N4BP1: variants seen among roughly 807,000 people sequenced by gnomAD.
The protein encoded by N4BP1 is NEDD4 binding protein 1, also known as NEDD4-binding protein 1.
A neutral mutation model predicts 70.9 loss-of-function variants in N4BP1; 21 were observed. The ratio of observed to expected loss-of-function variants is 0.30; its 90% CI spans 0.21 to 0.43. N4BP1 has a LOEUF of 0.43. Among genes scored for constraint, N4BP1 ranks in the 20% least tolerant of loss-of-function variants. The pLI, the probability that N4BP1 is intolerant of heterozygous loss-of-function variation, is 1.00. For missense variants in N4BP1, 936 were observed against 1,069.4 expected (o/e 0.88, Z 1.74); for synonymous variants, 387 against 394.6 (o/e 0.98, Z 0.23).
chr16:48,587,968 AT>A (rs572954274), intron 1 of N4BP1, among the ~76,000 whole-genome samples: 116 of 146,854 alleles, frequency 7.9e-4, no homozygotes, highest in Middle Eastern at 3.5e-3. Context: ...AGTTTTCTTG[AT>A]TTTTTTTTTT....
At chr16:48,603,423 T>G (rs1417910066) in intron 1 of N4BP1, among the ~76,000 whole-genome samples, 1 of 152,072 alleles carries the variant, frequency 6.6e-6, no homozygotes, top group East Asian at 1.9e-4. Context: ...GATGGGCAGC[T>G]GTGGTCAGTG....
At chr16:48,602,803 AT>A (rs1555499814) in intron 1 of N4BP1, among the ~76,000 whole-genome samples, 1 of 77,382 alleles carries the variant, frequency 1.3e-5, no homozygotes, top group African/African-American at 1.3e-4. Context: ...ATAAAAATAA[AT>A]AAATAAATAA....
chr16:48,609,632 C>T (rs1387097645), intron 1 of N4BP1, 143 bp downstream of exon 1: 1 of 671,684 alleles, frequency 1.5e-6, no homozygotes, highest in Non-Finnish European at 2.1e-6. Flanking sequence ...GCTCGCGAGC[C>T]GAAAAGGCAC....
chr16:48,607,252 AC>A (rs1964596944), intron 1 of N4BP1, among the ~76,000 whole-genome samples: 1 of 152,204 alleles, frequency 6.6e-6, no homozygotes, highest in African/African-American at 2.4e-5. Context: ...GTCTGGCAGG[AC>A]CAGCAGGGCT....
intron 1 of N4BP1, among the ~76,000 whole-genome samples, chr16:48,588,555 A>G (rs1240789026): frequency 1.3e-5 from 2 of 152,130 alleles, no homozygotes; most frequent in Non-Finnish European, 2.9e-5. Flanking sequence ...TCGACCTCCC[A>G]ATGTGTTGGG....
intron 1 of N4BP1, among the ~76,000 whole-genome samples, chr16:48,605,041 T>G (rs562257013): frequency 1.3e-5 from 2 of 152,152 alleles, no homozygotes; most frequent in East Asian, 3.9e-4. Context: ...TTCTTTTTTT[T>G]TTTTTCTCAA....
intron 1 of N4BP1, among the ~76,000 whole-genome samples, chr16:48,566,991 C>T (rs1333384562): frequency 6.6e-6 from 1 of 152,174 alleles, no homozygotes; most frequent in African/African-American, 2.4e-5. Flanking sequence ...TTTCTTTGCT[C>T]TGAAGGCTAC....
chr16:48,587,061 G>A (rs1964256337), intron 1 of N4BP1: 1 of 152,168 alleles, frequency 6.6e-6, no homozygotes, highest in African/African-American at 2.4e-5. Context: ...AACTGACCAT[G>A]GTTATCCAGT....
intron 1 of N4BP1, among the ~76,000 whole-genome samples, chr16:48,585,183 T>A (rs572086623): frequency 3.7e-4 from 57 of 152,152 alleles, no homozygotes; most frequent in African/African-American, 1.3e-3. Flanking sequence ...ATCCACCCAC[T>A]CAGCCTCCCA....
chr16:48,591,484 G>A (rs1964337654), intron 1 of N4BP1, among the ~76,000 whole-genome samples: 1 of 151,992 alleles, frequency 6.6e-6, no homozygotes, highest in African/African-American at 2.4e-5. Context: ...AGTTACCTGT[G>A]GCAAAGTTCA....
intron 4 of N4BP1, among the ~76,000 whole-genome samples, chr16:48,550,602 C>A (rs1963651723): frequency 6.6e-6 from 1 of 151,990 alleles, no homozygotes; most frequent in South Asian, 2.1e-4. Flanking sequence ...ATATGCCAAG[C>A]TAAGAAATGC....
intron 3 of N4BP1, among the ~76,000 whole-genome samples, chr16:48,552,685 G>A (rs570326633): frequency 3.8e-4 from 40 of 105,678 alleles, no homozygotes; most frequent in African/African-American, 1.4e-3. Flanking sequence ...GCGACAGAGC[G>A]AGACTCCGTC....
intron 1 of N4BP1, 105 bp from the exon 2 acceptor site, chr16:48,562,549 C>A: frequency 1.1e-6 from 1 of 912,470 alleles, no homozygotes; most frequent in South Asian, 2.1e-5. Flanking sequence ...ATAAAAATCA[C>A]AAGCATGTTT....
intron 2 of N4BP1, among the ~76,000 whole-genome samples, chr16:48,554,228 G>A (rs905385478): frequency 6.6e-6 from 1 of 151,626 alleles, no homozygotes; most frequent in Non-Finnish European, 1.5e-5. Context: ...ATGAACAGTA[G>A]AGAACACAGG....
intron 1 of N4BP1, among the ~76,000 whole-genome samples, chr16:48,583,873 C>G (rs1321063028): frequency 6.6e-6 from 1 of 152,128 alleles, no homozygotes; most frequent in Admixed American, 6.5e-5. Flanking sequence ...ACTGAGTGTC[C>G]CCAGAAGGGC....
chr16:48,547,818 GC>G (rs1379207036), intron 5 of N4BP1, among the ~76,000 whole-genome samples, 188 bp downstream of exon 5: 3 of 152,198 alleles, frequency 2.0e-5, no homozygotes, highest in African/African-American at 7.2e-5. Flanking sequence ...TCTGTGCTGG[GC>G]CCCCGCTTAC....
Position 48,542,699 on chromosome 16 carries a change from A to C in N4BP1, c.*205T>G, listed in dbSNP as rs1963521046. Reference sequence around the variant, plus strand: ...GACTTTCCTTTAACAGAAAATGTTAAATCTGTAATAGCAGCATAATTTATA... The same window carrying C: ...GACTTTCCTTTAACAGAAAATGTTACATCTGTAATAGCAGCATAATTTATA... On this transcript the variant is annotated 3_prime_UTR_variant, in exon 7 of 7. Coordinates refer to ENST00000262384, the MANE Select transcript of N4BP1 (RefSeq NM_153029.4). 2.5e-5 allele frequency: 11 copies of C among 443,450 alleles called. No homozygotes were observed. The East Asian group carries it at 3.7e-4, about 15-fold the overall frequency. 27.5% of individuals were successfully genotyped at this position (443,450 alleles called of 1,614,324 possible).
chr16:48,591,276 T>C (rs1567443043), intron 1 of N4BP1, among the ~76,000 whole-genome samples: 1 of 152,184 alleles, frequency 6.6e-6, no homozygotes, highest in Non-Finnish European at 1.5e-5. Flanking sequence ...GTTACTTAAC[T>C]TTCCCACTTT....
intron 1 of N4BP1, chr16:48,600,602 A>G (rs1376113256): frequency 9.0e-6 from 5 of 556,462 alleles, no homozygotes; most frequent in Admixed American, 2.0e-5. Flanking sequence ...GTTGGAAGAG[A>G]AAACAGTACA....
Sources: gnomAD v4.1 joint callset for allele counts (sites outside exome capture counted in the v4.1 genomes callset) on GRCh38, gnomAD v4.1.1 for gene constraint, MANE v1.5 for transcripts, NCBI Gene and HGNC (gene_info 2026-07-23, HGNC 2026-07-21) for gene names.